MS4A4E: variants seen among roughly 807,000 people sequenced by gnomAD.
MS4A4E encodes the protein putative membrane-spanning 4-domains subfamily A member 4E.
Under a neutral mutation model 13.3 loss-of-function variants are expected in MS4A4E, and 23 were observed. That is an observed-to-expected ratio of 1.73 (90% confidence interval 1.25 to 2.45). The LOEUF (loss-of-function observed/expected upper bound fraction) is 2.45. Ranked by LOEUF, MS4A4E falls within the 30% of genes most tolerant of loss-of-function variation. MS4A4E has a pLI of 0.00. For missense variants in MS4A4E, 144 were observed against 131.2 expected, an observed-to-expected ratio of 1.10 and a Z score of -0.48; for synonymous variants, 36 against 45.6, an observed-to-expected ratio of 0.79 and a Z score of 0.85.
intron 5 of MS4A4E, among the ~76,000 whole-genome samples, chr11:60,209,592 A>T (rs529963502): frequency 6.6e-6 from 1 of 152,344 alleles, no homozygotes; most frequent in South Asian, 2.1e-4. Context: ...TTACAGTAAC[A>T]ATAAGAAGCT....
intron 1 of MS4A4E, among the ~76,000 whole-genome samples, chr11:60,241,026 CTTAT>C (rs2084542466): frequency 7.7e-6 from 1 of 129,310 alleles, no homozygotes; most frequent in African/African-American, 3.0e-5. Flanking sequence ...TATTTATTTA[CTTAT>C]TTATTTATTT....
chr11:60,218,454 C>A (rs2084225270), intron 3 of MS4A4E, among the ~76,000 whole-genome samples: 1 of 152,128 alleles, frequency 6.6e-6, no homozygotes, highest in African/African-American at 2.4e-5. Context: ...GTTTTTGCAG[C>A]TTGTGGGGTG....
chr11:60,223,924 A>C (rs1276112420), intron 3 of MS4A4E, among the ~76,000 whole-genome samples: 3 of 152,086 alleles, frequency 2.0e-5, no homozygotes, highest in Non-Finnish European at 4.4e-5. Flanking sequence ...CCTATTAGTT[A>C]TGTCCCTCTA....
At chr11:60,228,500 A>G in intron 3 of MS4A4E, 94 bp downstream of exon 3, 1 of 588,448 alleles carries the variant, frequency 1.7e-6, no homozygotes, top group African/African-American at 1.9e-5. Context: ...GTTGACTGAA[A>G]TCTTCAAAAT....
At chr11:60,228,821 G>A (rs1424788220) in intron 2 of MS4A4E, among the ~76,000 whole-genome samples, 194 bp from the exon 3 acceptor site, 1 of 152,202 alleles carries the variant, frequency 6.6e-6, no homozygotes, top group Non-Finnish European at 1.5e-5. Context: ...GTTATTAGGT[G>A]AAGGAAGGCA....
chr11:60,217,450 T>G (rs2084211156), intron 3 of MS4A4E, among the ~76,000 whole-genome samples: 1 of 151,706 alleles, frequency 6.6e-6, no homozygotes, highest in Non-Finnish European at 1.5e-5. Context: ...CCATCACCAG[T>G]AGTGGCAACA....
At chr11:60,231,315 TA>T (rs1349476235) in intron 1 of MS4A4E, among the ~76,000 whole-genome samples, 1 of 151,710 alleles carries the variant, frequency 6.6e-6, no homozygotes, top group Non-Finnish European at 1.5e-5. Context: ...GAAAGATAAA[TA>T]TAATTAATAA....
intron 5 of MS4A4E, chr11:60,208,987 TG>T (rs1216978994): frequency 5.8e-6 from 1 of 172,362 alleles, no homozygotes; most frequent in Non-Finnish European, 1.2e-5. Flanking sequence ...TAAAGATAAT[TG>T]TCATCATATC....
intron 3 of MS4A4E, among the ~76,000 whole-genome samples, chr11:60,225,688 A>C (rs926616695): frequency 1.3e-5 from 2 of 152,146 alleles, no homozygotes; most frequent in Non-Finnish European, 2.9e-5. Context: ...ACATTGAATG[A>C]ATATATTAGA....
intron 3 of MS4A4E, among the ~76,000 whole-genome samples, chr11:60,227,872 TACTTAAAAA>T (rs1172941482): frequency 6.6e-6 from 1 of 151,926 alleles, no homozygotes; most frequent in Non-Finnish European, 1.5e-5. Context: ...AAAAAAATAC[TACTTAAAAA>T]ACTGGACCTC....
chr11:60,223,978 G>T (rs142582118), intron 3 of MS4A4E, among the ~76,000 whole-genome samples: 2 of 152,104 alleles, frequency 1.3e-5, no homozygotes, highest in East Asian at 1.9e-4. Context: ...TTTCACTTCC[G>T]CTGTACACGA....
chr11:60,230,875 G>C (rs564453747), intron 1 of MS4A4E, among the ~76,000 whole-genome samples: 1 of 152,214 alleles, frequency 6.6e-6, no homozygotes, highest in African/African-American at 2.4e-5. Context: ...TAAAATTTTA[G>C]GGAAGTGAAG....
intron 3 of MS4A4E, among the ~76,000 whole-genome samples, chr11:60,216,633 A>G (rs559009549): frequency 6.6e-6 from 1 of 150,786 alleles, no homozygotes; most frequent in African/African-American, 2.4e-5. Context: ...TATCATATGT[A>G]TATATATATA....
rs1590708458 is a variant in MS4A4E at position 60,212,341 on chromosome 11, A to T, written c.381+633T>A. Among the ~76,000 whole-genome samples, 3 of 141,018 alleles carry T rather than the reference A, an allele frequency of 2.1e-5. No homozygotes were observed. The East Asian group carries it at 6.2e-4, about 29-fold the overall frequency. 92.5% of individuals were successfully genotyped at this position (141,018 alleles called of 152,430 possible). ...TTTTTTTTTTTTGAGACAGAGTCTC[A>T]CTCTTTCGCCCAGGCCAGACTGCAG... is the stretch of plus-strand genomic sequence containing the variant. On this transcript the variant is annotated intron_variant, in intron 5 of 8. Transcript: ENST00000651255.
chr11:60,210,497 A>T (rs2084106987), intron 5 of MS4A4E, among the ~76,000 whole-genome samples: 1 of 152,230 alleles, frequency 6.6e-6, no homozygotes, highest in Non-Finnish European at 1.5e-5. Flanking sequence ...CTGTCTTTCT[A>T]GGTTAAGTAT....
intron 7 of MS4A4E, among the ~76,000 whole-genome samples, 147 bp downstream of exon 7, chr11:60,205,567 C>T (rs2084028559): frequency 6.6e-6 from 1 of 152,074 alleles, no homozygotes; most frequent in African/African-American, 2.4e-5. Context: ...ATGGGCCAGA[C>T]AATATTATTA....
In MS4A4E at chr11:60,201,770, C is replaced by A. The variant is rs915621859; in HGVS notation, c.769G>T (p.Val257Leu). 1.3e-5 allele frequency: 3 copies of A among 225,728 alleles called. No individual in the cohort carries two copies. Among genetic ancestry groups the A allele is most frequent in the South Asian group, 1.3e-4 (3 of 23,548 alleles). The allele number at this position is 225,728 out of a possible 1,614,324, so 14.0% of individuals were successfully genotyped here. A position where few individuals can be genotyped will look rare whatever the true frequency, so the allele number is the denominator to read the frequency against. ...GGGTGGCGGCCGGGCAGAGGCTGCACTCTCGGCACTTTGGGAGGCCAAGGC... is the reference window on the plus strand; with the variant it reads ...GGGTGGCGGCCGGGCAGAGGCTGCAATCTCGGCACTTTGGGAGGCCAAGGC... ...RLPWPPKVPR[V>L]QPLPGRHPVW... The change falls in exon 9 of 9, where the codon GTG (valine) becomes TTG (leucine). Residue 257 changes from valine to leucine, a missense_variant. By Grantham distance (32) the Val-to-Leu change is conservative. This residue lies in a region of MS4A4E where 21 missense variants were observed against 25.1 expected (regional missense o/e 0.84). Transcript: ENST00000651255.
At chr11:60,207,307 A>G (rs915238120) in intron 6 of MS4A4E, among the ~76,000 whole-genome samples, 1 of 152,200 alleles carries the variant, frequency 6.6e-6, no homozygotes, top group Non-Finnish European at 1.5e-5. Context: ...AAACCAGGGG[A>G]TTAGGGAAAC....
intron 6 of MS4A4E, among the ~76,000 whole-genome samples, chr11:60,206,169 A>G (rs1480551194): frequency 6.6e-6 from 1 of 152,126 alleles, no homozygotes; most frequent in Non-Finnish European, 1.5e-5. Flanking sequence ...GTCCCCAAAT[A>G]TGGCAGAAAA....
Sources: gnomAD v4.1 joint callset for allele counts (sites outside exome capture counted in the v4.1 genomes callset) on GRCh38, gnomAD v4.1.1 for gene constraint, gnomAD v4.1.1 regional missense constraint, MANE v1.5 for transcripts, NCBI Gene and HGNC (gene_info 2026-07-23, HGNC 2026-07-21) for gene names.